Variants in RNF13 observed in about 807,000 individuals in gnomAD.
The protein encoded by RNF13 is E3 ubiquitin-protein ligase RNF13.
A neutral mutation model predicts 37.7 loss-of-function variants in RNF13; 19 were observed. That is an observed-to-expected ratio of 0.50 (90% confidence interval 0.35 to 0.74). The LOEUF (loss-of-function observed/expected upper bound fraction) is 0.74. RNF13 is among the 30% of genes least tolerant of loss of function. The pLI is 0.01. For synonymous variants in RNF13, 144 were observed against 157.8 expected, an observed-to-expected ratio of 0.91 and a Z score of 0.65; for missense variants, 375 against 453.0, an observed-to-expected ratio of 0.83 and a Z score of 1.56.
intron 1 of RNF13, among the ~76,000 whole-genome samples, chr3:149,834,486 A>T (rs1721390468): frequency 6.6e-6 from 1 of 152,200 alleles, no homozygotes; most frequent in Non-Finnish European, 1.5e-5. Flanking sequence ...ATGGTTTGGA[A>T]ATGGTTTGTC....
chr3:149,944,288 G>C (rs1006357962), intron 8 of RNF13, among the ~76,000 whole-genome samples: 1 of 152,184 alleles, frequency 6.6e-6, no homozygotes, highest in Non-Finnish European at 1.5e-5. Context: ...ACATGTACAT[G>C]TGTCTTTATA....
intron 6 of RNF13, among the ~76,000 whole-genome samples, chr3:149,903,203 G>T (rs894297638): frequency 6.6e-6 from 1 of 151,934 alleles, no homozygotes; most frequent in African/African-American, 2.4e-5. Context: ...TTTGGAAGTT[G>T]TATCAAAAAA....
Position 149,835,975 on chromosome 3 carries a change from C to T in RNF13, c.-16-10036C>T, listed in dbSNP as rs1456744676. 2.6e-5 allele frequency among the ~76,000 whole-genome samples: 4 copies of T among 152,186 alleles called. No individual in the cohort carries two copies. The East Asian group carries it at 5.8e-4, about 22-fold the overall frequency. ...CTTTAAGGAATCTCCACATTGTTTT[C>T]CATAGTGGTTGTACTAGTTTACATT... is the stretch of plus-strand genomic sequence containing the variant. On this transcript the variant is annotated intron_variant, in intron 1 of 9. Coordinates refer to ENST00000392894, the MANE Select transcript of RNF13 (RefSeq NM_183381.3).
chr3:149,880,254 G>T (rs1713231026), intron 4 of RNF13, among the ~76,000 whole-genome samples: 1 of 152,076 alleles, frequency 6.6e-6, no homozygotes, highest in African/African-American at 2.4e-5. Context: ...GTGGTGGGTG[G>T]GCTGAAATGG....
chr3:149,884,322 A>G (rs887809853), intron 4 of RNF13, among the ~76,000 whole-genome samples: 3 of 151,892 alleles, frequency 2.0e-5, no homozygotes, highest in Non-Finnish European at 4.4e-5. Flanking sequence ...CCTTTACTGT[A>G]GCACTACTAT....
chr3:149,937,239 G>A (rs532373227), intron 8 of RNF13, among the ~76,000 whole-genome samples: 28 of 152,220 alleles, frequency 1.8e-4, no homozygotes, highest in South Asian at 4.2e-4. Flanking sequence ...GTGGGTTGAG[G>A]CAGGAACAGC....
intron 9 of RNF13, 149 bp from the exon 10 acceptor site, chr3:149,960,591 C>CAAAAAA (rs199903209): frequency 1.3e-6 from 1 of 758,278 alleles, no homozygotes; most frequent in Admixed American, 3.8e-5. Flanking sequence ...GACTCCATCT[C>CAAAAAA]AAAAAAAAAT....
At chr3:149,812,794 C>G (rs908016696), upstream of RNF13, 23 of 152,936 alleles carry the variant, frequency 1.5e-4, no homozygotes, top group African/African-American at 5.5e-4. Context: ...GCCCGGCAGC[C>G]GAATCTTGGG....
chr3:149,920,944 A>T (rs1718062088), intron 7 of RNF13, among the ~76,000 whole-genome samples, 190 bp from the exon 8 acceptor site: 1 of 152,138 alleles, frequency 6.6e-6, no homozygotes, highest in Non-Finnish European at 1.5e-5. Flanking sequence ...TCAAGGGGTA[A>T]TTCATGGGTT....
intron 8 of RNF13, chr3:149,939,225 G>T: frequency 2.0e-6 from 1 of 509,032 alleles, no homozygotes; most frequent in Non-Finnish European, 3.8e-6. Context: ...ATTTTTGGCT[G>T]GAGTATCTCG....
At chr3:149,814,709 A>C (rs116409154) in intron 1 of RNF13, among the ~76,000 whole-genome samples, 4,174 of 152,330 alleles carry the variant, frequency 0.027, 82 homozygotes, top group Non-Finnish European at 0.035. Flanking sequence ...TTATGGCAAA[A>C]ACAAATGTTT....
At chr3:149,873,998 T>C (rs1163870189) in intron 4 of RNF13, among the ~76,000 whole-genome samples, 1 of 152,226 alleles carries the variant, frequency 6.6e-6, no homozygotes, top group African/African-American at 2.4e-5. Context: ...TAATATATTC[T>C]TGAAAAACAT....
At chr3:149,947,341 T>G (rs1720862152) in intron 8 of RNF13, among the ~76,000 whole-genome samples, 1 of 152,168 alleles carries the variant, frequency 6.6e-6, no homozygotes, top group Non-Finnish European at 1.5e-5. Flanking sequence ...TGTTCTATTC[T>G]TACTGAAAGT....
intron 8 of RNF13, among the ~76,000 whole-genome samples, chr3:149,928,615 TTTG>T (rs1198987363): frequency 6.6e-6 from 1 of 152,150 alleles, no homozygotes; most frequent in Non-Finnish European, 1.5e-5. Flanking sequence ...GTCTTCCACA[TTTG>T]TTGTTGTTCT....
chr3:149,947,046 A>G (rs1333972499), intron 8 of RNF13, among the ~76,000 whole-genome samples: 3 of 151,902 alleles, frequency 2.0e-5, no homozygotes, highest in African/African-American at 2.4e-5. Flanking sequence ...AACTGCATTA[A>G]TTCCTATACA....
rs897856555 is a variant in RNF13 at position 149,893,099 on chromosome 3, T to C, written c.322-2374T>C. 2.6e-5 allele frequency among the ~76,000 whole-genome samples: 4 copies of C among 152,182 alleles called. No individual in the cohort carries two copies. In the East Asian group the frequency reaches 7.7e-4, roughly 29 times the overall value. ...CTGAAATTTCCTTAAGGATAATGAC[T>C]TTCTGATTGATCCTCAAGTTCCACA... is the stretch of plus-strand genomic sequence containing the variant. On this transcript the variant is annotated intron_variant, in intron 4 of 9. Transcript: ENST00000392894.
chr3:149,848,715 GTTGTT>G (rs1722867329), intron 2 of RNF13, among the ~76,000 whole-genome samples: 2 of 152,120 alleles, frequency 1.3e-5, no homozygotes, highest in African/African-American at 4.8e-5. Context: ...TGGTTGGTTG[GTTGTT>G]TTGTTTTGTG....
At chr3:149,898,995 A>C (rs1715544439) in intron 5 of RNF13, among the ~76,000 whole-genome samples, 1 of 152,196 alleles carries the variant, frequency 6.6e-6, no homozygotes, top group Non-Finnish European at 1.5e-5. Context: ...AACAATTCAA[A>C]GATAAAGCAT....
Position 149,887,350 on chromosome 3 carries a change from G to A in RNF13, c.322-8123G>A, listed in dbSNP as rs182364477. ...CAGTATAAATCATCTAGACCAAACC[G>A]ATACCTATAGAATGTTCCATCCAAC... is the stretch of plus-strand genomic sequence containing the variant. On this transcript the variant is annotated intron_variant, in intron 4 of 9. Coordinates refer to ENST00000392894, the MANE Select transcript of RNF13 (RefSeq NM_183381.3). 1.6e-3 allele frequency among the ~76,000 whole-genome samples: 251 copies of A among 152,260 alleles called. 2 individuals carry two copies. The highest frequency in any genetic ancestry group is 2.6e-3 in the Non-Finnish European group (175 of 68,002).
Sources: gnomAD v4.1 joint callset for allele counts (sites outside exome capture counted in the v4.1 genomes callset) on GRCh38, gnomAD v4.1.1 for gene constraint, MANE v1.5 for transcripts, NCBI Gene and HGNC (gene_info 2026-07-23, HGNC 2026-07-21) for gene names.